CEP112: variants seen among roughly 807,000 people sequenced by gnomAD.
CEP112 encodes centrosomal protein 112.
Under a neutral mutation model 153.0 loss-of-function variants are expected in CEP112, and 127 were observed. The observed-to-expected ratio is 0.83, with a 90% CI of 0.72 to 0.96. The LOEUF is 0.96. Ranked by LOEUF, CEP112 falls within the 40% of genes least tolerant of loss-of-function variation. The pLI is 0.00. For missense variants in CEP112, 1,089 were observed against 1,101.2 expected (o/e 0.99, Z 0.16); for synonymous variants, 358 against 374.4 (o/e 0.96, Z 0.51).
At chr17:65,669,819 C>T (rs529997975) in intron 24 of CEP112, among the ~76,000 whole-genome samples, 10 of 150,824 alleles carry the variant, frequency 6.6e-5, no homozygotes, top group East Asian at 2.0e-4. Context: ...AGAAGAATGG[C>T]GTGAACCCGG....
At chr17:65,677,686 G>C (rs1216461516) in intron 24 of CEP112, among the ~76,000 whole-genome samples, 4 of 152,208 alleles carry the variant, frequency 2.6e-5, no homozygotes, top group Non-Finnish European at 5.9e-5. Context: ...GCTGAGGTGG[G>C]TGGATCACTT....
intron 10 of CEP112, among the ~76,000 whole-genome samples, chr17:66,064,182 G>A (rs2067027950): frequency 6.6e-6 from 1 of 152,168 alleles, no homozygotes; most frequent in Admixed American, 6.6e-5. Context: ...GGAGAAGAAA[G>A]AGATTTCAAC....
At chr17:65,693,292 T>C (rs1409418047) in intron 23 of CEP112, among the ~76,000 whole-genome samples, 2 of 152,062 alleles carry the variant, frequency 1.3e-5, no homozygotes, top group Non-Finnish European at 2.9e-5. Context: ...CCCACTGCTC[T>C]CCTGAGTCAG....
chr17:66,185,888 A>C (rs938093994), intron 1 of CEP112, among the ~76,000 whole-genome samples: 2 of 152,182 alleles, frequency 1.3e-5, no homozygotes, highest in African/African-American at 4.8e-5. Context: ...AATGGTTTCC[A>C]TCATTTCATC....
At position 66,094,058 on chromosome 17, in the gene CEP112, T is replaced by A. The variant is rs576379054; in HGVS notation, c.768+2193A>T. ...TCAACTGATTTTCATTATTATTATT[T>A]TTATTTATTTATTTATTTTGAGATG... On this transcript the variant is annotated intron_variant, in intron 8 of 26. Coordinates refer to ENST00000535342, the MANE Select transcript of CEP112 (RefSeq NM_001199165.4). Among the ~76,000 whole-genome samples, 4 of 151,980 alleles carry A rather than the reference T, an allele frequency of 2.6e-5. No homozygotes were observed. In the South Asian group the frequency reaches 8.3e-4, roughly 32 times the overall value.
intron 1 of CEP112, 48 bp from the exon 2 acceptor site, chr17:66,183,355 C>G: frequency 3.9e-6 from 5 of 1,266,090 alleles, no homozygotes; most frequent in Non-Finnish European, 5.6e-6. Context: ...ATGCTGAAAA[C>G]TACAAAACTC....
chr17:66,139,445 A>G (rs951899070), intron 4 of CEP112, among the ~76,000 whole-genome samples: 7 of 152,048 alleles, frequency 4.6e-5, no homozygotes, highest in African/African-American at 1.4e-4. Context: ...TCTACAAAAA[A>G]ATAAAAATAA....
chr17:65,994,146 TA>T (rs1328747151), intron 17 of CEP112, among the ~76,000 whole-genome samples: 2 of 152,102 alleles, frequency 1.3e-5, no homozygotes, highest in Non-Finnish European at 2.9e-5. Context: ...CTAAAACCCA[TA>T]ATCTGAGATG....
At chr17:65,967,681 G>C (rs941224180) in intron 17 of CEP112, among the ~76,000 whole-genome samples, 1 of 152,134 alleles carries the variant, frequency 6.6e-6, no homozygotes, top group African/African-American at 2.4e-5. Context: ...TCAAATTTAT[G>C]TGTAAGATAG....
intron 21 of CEP112, among the ~76,000 whole-genome samples, chr17:65,842,211 G>A (rs1004718953): frequency 4.6e-5 from 7 of 152,006 alleles, no homozygotes; most frequent in East Asian, 1.9e-4. Flanking sequence ...GAAGGACAAA[G>A]GAGGATTAAT....
chr17:66,070,005 C>G lies in CEP112; in HGVS notation c.769-4G>C. 6.4e-7 allele frequency: 1 copy of G among 1,572,622 alleles called. No homozygotes were observed. The highest frequency in any genetic ancestry group is 2.3e-5 in the East Asian group (1 of 44,252). On this transcript the variant is annotated splice_polypyrimidine_tract_variant and splice_region_variant and intron_variant, in intron 8 of 26. Coordinates refer to ENST00000535342, the MANE Select transcript of CEP112 (RefSeq NM_001199165.4). ...TCATTTTTGTTTTCATGTCCAGCTT[C>G]AAGAAAAATATTTCAAGGGTGTTAT... is the stretch of plus-strand genomic sequence containing the variant.
At chr17:66,086,496 C>T (rs780040036) in intron 8 of CEP112, among the ~76,000 whole-genome samples, 1 of 148,730 alleles carries the variant, frequency 6.7e-6, no homozygotes, top group African/African-American at 2.5e-5. Context: ...GTCTGCCTCC[C>T]GGGGTCATGC....
At chr17:65,673,685 T>C (rs1334799737) in intron 24 of CEP112, among the ~76,000 whole-genome samples, 1 of 152,066 alleles carries the variant, frequency 6.6e-6, no homozygotes, top group African/African-American at 2.4e-5. Flanking sequence ...AAAGAGAATA[T>C]ATTTCATAAT....
At chr17:65,841,059 A>G (rs1270800598) in intron 21 of CEP112, among the ~76,000 whole-genome samples, 1 of 152,120 alleles carries the variant, frequency 6.6e-6, no homozygotes, top group Non-Finnish European at 1.5e-5. Context: ...TGAGAATGCA[A>G]ATTAGTATAG....
chr17:65,821,532 A>C (rs1382888605), intron 21 of CEP112, among the ~76,000 whole-genome samples: 2 of 26,672 alleles, frequency 7.5e-5, no homozygotes, highest in African/African-American at 2.9e-4. Flanking sequence ...ATATATATAT[A>C]TATATATATT....
intron 24 of CEP112, among the ~76,000 whole-genome samples, chr17:65,662,290 C>T (rs1331355946): frequency 6.6e-6 from 1 of 152,182 alleles, no homozygotes; most frequent in Non-Finnish European, 1.5e-5. Flanking sequence ...TACACTGTTA[C>T]TGACTTAGAT....
intron 20 of CEP112, among the ~76,000 whole-genome samples, chr17:65,868,506 A>T (rs555191223): frequency 8.8e-5 from 9 of 102,408 alleles, no homozygotes; most frequent in South Asian, 3.1e-4. Flanking sequence ...TCTCAAAATT[A>T]AAAAAAAAAA....
intron 4 of CEP112, among the ~76,000 whole-genome samples, chr17:66,173,720 A>G (rs1391474158): frequency 6.6e-6 from 1 of 152,246 alleles, no homozygotes; most frequent in Non-Finnish European, 1.5e-5. Flanking sequence ...CAAAAATTCT[A>G]CAATTACACC....
At chr17:65,976,045 C>T (rs534031337) in intron 17 of CEP112, among the ~76,000 whole-genome samples, 1 of 152,232 alleles carries the variant, frequency 6.6e-6, no homozygotes, top group African/African-American at 2.4e-5. Flanking sequence ...GCGCTTTCAA[C>T]GAGAACTGCT....
Sources: gnomAD v4.1 joint callset for allele counts (sites outside exome capture counted in the v4.1 genomes callset) on GRCh38, gnomAD v4.1.1 for gene constraint, MANE v1.5 for transcripts, NCBI Gene and HGNC (gene_info 2026-07-23, HGNC 2026-07-21) for gene names.